Variants in PTPRO observed in about 807,000 individuals in gnomAD.
The protein encoded by PTPRO is protein tyrosine phosphatase receptor type O.
A neutral mutation model predicts 145.2 loss-of-function variants in PTPRO; 62 were observed. The ratio of observed to expected loss-of-function variants is 0.43; its 90% CI spans 0.35 to 0.53. The LOEUF is 0.53. Ranked by LOEUF, PTPRO falls within the 20% of genes least tolerant of loss-of-function variation. The pLI is 0.01. For missense variants in PTPRO, 1,345 were observed against 1,482.7 expected, an observed-to-expected ratio of 0.91 and a Z score of 1.53; for synonymous variants, 565 against 514.7, an observed-to-expected ratio of 1.10 and a Z score of -1.32.
intron 23 of PTPRO, 77 bp from the exon 24 acceptor site, chr12:15,586,820 C>T (rs1944438837): frequency 6.4e-7 from 1 of 1,558,872 alleles, no homozygotes; most frequent in Admixed American, 1.7e-5. Flanking sequence ...TTTTTGCATG[C>T]TTAACTAGCA....
In PTPRO at chr12:15,541,239, A is replaced by G. The variant is rs1427408695; in HGVS notation, c.2165-5330A>G. 2.0e-5 allele frequency among the ~76,000 whole-genome samples: 3 copies of G among 152,252 alleles called. No individual in the cohort carries two copies. In the East Asian group the frequency reaches 5.8e-4, roughly 29 times the overall value. ...AGGAGATGTTCCATAACTAATATCT[A>G]CATGACTTTACATTATATAAAGTGT... On this transcript the variant is annotated intron_variant, in intron 12 of 26. Transcript: ENST00000281171.
chr12:15,589,771 T>G (rs1944508200), intron 25 of PTPRO, among the ~76,000 whole-genome samples, 181 bp downstream of exon 25: 1 of 152,186 alleles, frequency 6.6e-6, no homozygotes, highest in Non-Finnish European at 1.5e-5. Context: ...CCTCCAGAAA[T>G]CCATTCGACA....
chr12:15,561,737 C>G (rs1250195009), intron 17 of PTPRO, among the ~76,000 whole-genome samples: 1 of 152,098 alleles, frequency 6.6e-6, no homozygotes, highest in African/African-American at 2.4e-5. Flanking sequence ...AAATAGTGTG[C>G]CTACCATTAA....
At chr12:15,338,775 C>T (rs1866859801) in intron 1 of PTPRO, among the ~76,000 whole-genome samples, 1 of 152,058 alleles carries the variant, frequency 6.6e-6, no homozygotes, top group Non-Finnish European at 1.5e-5. Context: ...ATAAGATAAG[C>T]TTACAAGGTT....
chr12:15,578,089 A>G (rs748238945), intron 19 of PTPRO, among the ~76,000 whole-genome samples: 1 of 152,164 alleles, frequency 6.6e-6, no homozygotes, highest in African/African-American at 2.4e-5. Flanking sequence ...CTACAGATCC[A>G]TCTTTATGTT....
intron 2 of PTPRO, among the ~76,000 whole-genome samples, chr12:15,496,308 A>G (rs1209370245): frequency 6.6e-6 from 1 of 151,754 alleles, no homozygotes. Context: ...ACACCTGGCT[A>G]ATTTTCTATT....
At chr12:15,411,221 T>C (rs1939789241) in intron 1 of PTPRO, among the ~76,000 whole-genome samples, 1 of 152,212 alleles carries the variant, frequency 6.6e-6, no homozygotes, top group South Asian at 2.1e-4. Context: ...CCCACTGCTC[T>C]CTAAATTGTT....
chr12:15,575,575 G>A (rs902959018), intron 19 of PTPRO, among the ~76,000 whole-genome samples: 2 of 152,150 alleles, frequency 1.3e-5, no homozygotes, highest in Non-Finnish European at 2.9e-5. Context: ...TAATGTATAT[G>A]CTTGTGCTTT....
At chr12:15,408,641 T>A (rs142516091) in intron 1 of PTPRO, among the ~76,000 whole-genome samples, 198 of 152,286 alleles carry the variant, frequency 1.3e-3, no homozygotes, top group Middle Eastern at 0.01. Context: ...TTGGCCAGGC[T>A]GGTCTTGAAC....
At chr12:15,331,801 A>T (rs1866615426) in intron 1 of PTPRO, among the ~76,000 whole-genome samples, 1 of 152,182 alleles carries the variant, frequency 6.6e-6, no homozygotes, top group South Asian at 2.1e-4. Context: ...GGAAATTATT[A>T]GTTTAACTTT....
chr12:15,572,633 C>T (rs1944080263), intron 19 of PTPRO, among the ~76,000 whole-genome samples: 1 of 144,378 alleles, frequency 6.9e-6, no homozygotes, highest in African/African-American at 2.5e-5. Context: ...AATGAAATAC[C>T]ATTTTTTTCT....
intron 1 of PTPRO, among the ~76,000 whole-genome samples, chr12:15,477,512 T>A (rs970121806): frequency 1.1e-4 from 16 of 151,608 alleles, no homozygotes; most frequent in Non-Finnish European, 4.4e-5. Flanking sequence ...TAAAAAAAAA[T>A]GCATTGTATT....
At chr12:15,511,588 C>A (rs912251770) in intron 7 of PTPRO, among the ~76,000 whole-genome samples, 1 of 152,166 alleles carries the variant, frequency 6.6e-6, no homozygotes, top group African/African-American at 2.4e-5. Flanking sequence ...GAGACGGAGT[C>A]TCGCTCTGCT....
chr12:15,578,525 C>T (rs1459450038), intron 19 of PTPRO, among the ~76,000 whole-genome samples: 1 of 152,184 alleles, frequency 6.6e-6, no homozygotes, highest in Non-Finnish European at 1.5e-5. Context: ...CTGCTTCAGG[C>T]TGTGGGTCAG....
intron 1 of PTPRO, among the ~76,000 whole-genome samples, chr12:15,368,228 C>T (rs1417480240): frequency 6.6e-6 from 1 of 152,122 alleles, no homozygotes; most frequent in African/African-American, 2.4e-5. Flanking sequence ...TGCCCTGGCT[C>T]TTCCCTCTAT....
At chr12:15,531,441 T>C (rs1226305661) in intron 12 of PTPRO, among the ~76,000 whole-genome samples, 1 of 152,194 alleles carries the variant, frequency 6.6e-6, no homozygotes, top group Non-Finnish European at 1.5e-5. Flanking sequence ...CTGGATCTTT[T>C]TGTGTAGTGT....
At chr12:15,590,170 C>A (rs1164716144) in intron 25 of PTPRO, among the ~76,000 whole-genome samples, 1 of 152,182 alleles carries the variant, frequency 6.6e-6, no homozygotes, top group Non-Finnish European at 1.5e-5. Flanking sequence ...AAATATCCAA[C>A]AGTGTTACGT....
In PTPRO at chr12:15,587,026, A is replaced by G; in HGVS notation, c.3385A>G (p.Lys1129Glu). The G allele has an allele frequency of 1.2e-6, 2 of 1,614,134 alleles. No homozygotes were observed. Among genetic ancestry groups the G allele is most frequent in the Non-Finnish European group, 1.7e-6 (2 of 1,179,998 alleles). Residue 1129 changes from lysine to glutamate, a missense_variant, in exon 24 of 27, where the codon AAA becomes GAA. This residue lies in a region of PTPRO where 208 missense variants were observed against 242.8 expected (regional missense o/e 0.86). Coordinates refer to ENST00000281171, the MANE Select transcript of PTPRO (RefSeq NM_030667.3). Reference protein sequence around the residue: ...HMVRQQATKSKGPMIIHCSAG... With the variant: ...HMVRQQATKSEGPMIIHCSAG... ...GGTCCGACAGCAAGCTACCAAGAGC[A>G]AAGGTCCCATGATCATTCACTGCAG...
Position 15,360,134 on chromosome 12 carries a change from C to T in PTPRO, c.75+37333C>T, listed in dbSNP as rs1458719312. ...GTGCTTTTCAAATTCCCCAGCATCA[C>T]GTTTTTACCCTTCTTAAAATGTATC... On this transcript the variant is annotated intron_variant, in intron 1 of 26. Transcript: ENST00000281171. 3.9e-5 allele frequency among the ~76,000 whole-genome samples: 6 copies of T among 152,172 alleles called. No individual in the cohort carries two copies. In the East Asian group the frequency reaches 5.8e-4, roughly 15 times the overall value.
Sources: gnomAD v4.1 joint callset for allele counts (sites outside exome capture counted in the v4.1 genomes callset) on GRCh38, gnomAD v4.1.1 for gene constraint, gnomAD v4.1.1 regional missense constraint, MANE v1.5 for transcripts, NCBI Gene and HGNC (gene_info 2026-07-23, HGNC 2026-07-21) for gene names.